Variants in SV2C observed in about 807,000 individuals in gnomAD.
The protein encoded by SV2C is synaptic vesicle glycoprotein 2C.
SV2C carries 49 observed loss-of-function variants against 79.7 expected under a neutral mutation model. The observed-to-expected ratio is 0.61, with a 90% confidence interval of 0.49 to 0.78. The LOEUF (loss-of-function observed/expected upper bound fraction) is 0.78, where lower values mean the gene tolerates loss of function less well. Ranked by LOEUF, SV2C falls within the 30% of genes least tolerant of loss-of-function variation. SV2C has a pLI of 0.00. For synonymous variants in SV2C, 334 were observed against 333.2 expected, an observed-to-expected ratio of 1.00 and a Z score of -0.03; for missense variants, 833 against 912.9, an observed-to-expected ratio of 0.91 and a Z score of 1.13.
chr5:76,171,726 C>G (rs1182497590), intron 2 of SV2C, among the ~76,000 whole-genome samples: 4 of 136,156 alleles, frequency 2.9e-5, no homozygotes, highest in South Asian at 2.4e-4. Flanking sequence ...GTCAGCCCCC[C>G]GCCTGGCCAG....
chr5:76,012,898 G>T, the SV2C span, among the ~76,000 whole-genome samples: 1 of 152,052 alleles, frequency 6.6e-6, no homozygotes, highest in Non-Finnish European at 1.5e-5. Flanking sequence ...GAGGTTTGTT[G>T]AAGATCAGAT....
the SV2C span, among the ~76,000 whole-genome samples, chr5:75,877,071 T>C: frequency 6.6e-6 from 1 of 151,986 alleles, no homozygotes; most frequent in South Asian, 2.1e-4. Flanking sequence ...GATCGAAAGA[T>C]ACAATAGATT....
chr5:76,285,220 C>CG lies in SV2C; in HGVS notation c.973dup (p.Val325GlyfsTer18). On this transcript the variant is annotated frameshift_variant, in exon 5 of 13. Coordinates refer to ENST00000502798, the MANE Select transcript of SV2C (RefSeq NM_014979.4). LOFTEE classifies it high-confidence loss of function. ...TTCACAGTTGGCGTGTGTTTGTCAT[C>CG]GTCTGTGCACTCCCCTGTGTCTCCT... The CG allele has an allele frequency of 6.2e-7, 1 of 1,614,152 alleles. No homozygotes were observed. Among genetic ancestry groups the CG allele is most frequent in the South Asian group, 1.1e-5 (1 of 91,084 alleles).
chr5:75,972,178 A>G, the SV2C span, among the ~76,000 whole-genome samples: 1 of 152,294 alleles, frequency 6.6e-6, no homozygotes, highest in African/African-American at 2.4e-5. Context: ...AATTAATTCA[A>G]GATGGATTAA....
rs540366207 is a variant in SV2C at position 76,350,753 on chromosome 5, C to T, written c.2001-2377C>T. 1.1e-4 allele frequency among the ~76,000 whole-genome samples: 16 copies of T among 152,250 alleles called. No homozygotes were observed. The South Asian group carries it at 2.3e-3, about 22-fold the overall frequency. On this transcript the variant is annotated intron_variant, in intron 12 of 12. Coordinates refer to the SV2C transcript ENST00000322285. Reference sequence around the variant, plus strand: ...AAGATGGGCTGGGCATGGTGGCTCACGCCTGTAATCCCAGCACTTTGGGAG... The same window carrying T: ...AAGATGGGCTGGGCATGGTGGCTCATGCCTGTAATCCCAGCACTTTGGGAG...
At chr5:76,309,551 G>T (rs1178263813) in intron 12 of SV2C, among the ~76,000 whole-genome samples, 1 of 124,326 alleles carries the variant, frequency 8.0e-6, no homozygotes. Flanking sequence ...AGTGAGCCGA[G>T]ATCGCACCAC....
At chr5:76,147,343 G>C (rs1043616414) in intron 2 of SV2C, among the ~76,000 whole-genome samples, 3 of 152,204 alleles carry the variant, frequency 2.0e-5, no homozygotes, top group Non-Finnish European at 4.4e-5. Context: ...GAGATCCTGG[G>C]ACTGGCAGTA....
the SV2C span, among the ~76,000 whole-genome samples, chr5:75,999,670 C>A: frequency 4.2e-3 from 628 of 150,534 alleles, 4 homozygotes; most frequent in Admixed American, 7.8e-3. Context: ...TTTTTTCTAC[C>A]CAGGCCTGTC....
At chr5:76,183,057 A>C (rs1213214019) in intron 2 of SV2C, among the ~76,000 whole-genome samples, 2 of 107,852 alleles carry the variant, frequency 1.9e-5, no homozygotes, top group Admixed American at 1.1e-4. Context: ...TTTTTTTGAG[A>C]CAGAGTCTCA....
At chr5:76,318,215 C>T (rs1748701142) in intron 12 of SV2C, among the ~76,000 whole-genome samples, 1 of 152,026 alleles carries the variant, frequency 6.6e-6, no homozygotes, top group Admixed American at 6.5e-5. Flanking sequence ...GTCAGGAGTT[C>T]GAGACCAACC....
At chr5:76,043,465 T>G in the SV2C span, among the ~76,000 whole-genome samples, 1 of 152,196 alleles carries the variant, frequency 6.6e-6, no homozygotes, top group African/African-American at 2.4e-5. Context: ...AGATTCAAGT[T>G]TAGGCTGCAG....
At chr5:76,244,096 A>G (rs1369244705) in intron 4 of SV2C, among the ~76,000 whole-genome samples, 1 of 152,206 alleles carries the variant, frequency 6.6e-6, no homozygotes, top group African/African-American at 2.4e-5. Context: ...ACACTGATTT[A>G]TAACACACAT....
chr5:76,266,929 G>T (rs557861301), intron 4 of SV2C, among the ~76,000 whole-genome samples: 1 of 152,326 alleles, frequency 6.6e-6, no homozygotes, highest in Non-Finnish European at 1.5e-5. Flanking sequence ...AGGTGCTCCA[G>T]TTCAGAGCCT....
the SV2C span, among the ~76,000 whole-genome samples, chr5:75,895,521 G>C: frequency 6.6e-6 from 1 of 152,126 alleles, no homozygotes; most frequent in African/African-American, 2.4e-5. Context: ...GAAGCATGAT[G>C]GTGGGGAATT....
intron 1 of SV2C, among the ~76,000 whole-genome samples, chr5:76,121,751 A>G (rs1406063190): frequency 6.6e-6 from 1 of 151,870 alleles, no homozygotes; most frequent in Non-Finnish European, 1.5e-5. Context: ...TACCAGTACC[A>G]TGCTGTTTTG....
Position 76,131,880 on chromosome 5 carries a change from A to G in SV2C, c.130A>G (p.Arg44Gly). 1.9e-6 allele frequency: 3 copies of G among 1,614,136 alleles called. No individual in the cohort carries two copies. The highest frequency in any genetic ancestry group is 1.3e-5 in the African/African-American group (1 of 75,050). Residue 44 changes from arginine to glycine, a missense_variant, in exon 2 of 13, where the codon AGG becomes GGG. Transcript: ENST00000502798. ...CCGAGCCCAGGATGAATACACCCAG[A>G]GGTCCTACAGTCGGTTCCAAGATGA... ...VDRAQDEYTQRSYSRFQDEED... is the reference protein window; with the variant it reads ...VDRAQDEYTQGSYSRFQDEED...
intron 2 of SV2C, among the ~76,000 whole-genome samples, chr5:76,172,355 C>G: frequency 2.5e-5 from 2 of 80,972 alleles, no homozygotes; most frequent in Non-Finnish European, 5.2e-5. Context: ...CGCCTCTGCC[C>G]GGCCGCCCCT....
At chr5:76,085,353 C>T (rs1184585925) in intron 1 of SV2C, among the ~76,000 whole-genome samples, 1 of 152,152 alleles carries the variant, frequency 6.6e-6, no homozygotes, top group Non-Finnish European at 1.5e-5. Context: ...TAAAAATACG[C>T]GTTAAAAAAC....
At chr5:76,268,614 G>A (rs1004136500) in intron 4 of SV2C, among the ~76,000 whole-genome samples, 2 of 152,140 alleles carry the variant, frequency 1.3e-5, no homozygotes, top group South Asian at 2.1e-4. Flanking sequence ...AGACAAGAAC[G>A]CAAACGCTTT....
Sources: gnomAD v4.1 joint callset for allele counts (sites outside exome capture counted in the v4.1 genomes callset) on GRCh38, gnomAD v4.1.1 for gene constraint, MANE v1.5 for transcripts, NCBI Gene and HGNC (gene_info 2026-07-23, HGNC 2026-07-21) for gene names.